LRRC9: variants seen among roughly 807,000 people sequenced by gnomAD.
The protein encoded by LRRC9 is leucine-rich repeat-containing protein 9.
LRRC9 carries 122 observed loss-of-function variants against 63.2 expected under a neutral mutation model. The observed-to-expected ratio is 1.93, with a 90% CI of 1.67 to 2.24. LRRC9 has a LOEUF of 2.24. Ranked by LOEUF, LRRC9 falls within the 30% of genes most tolerant of loss-of-function variation. The pLI is 0.00. For synonymous variants in LRRC9, 366 were observed against 213.1 expected (o/e 1.72, Z -6.25); for missense variants, 1,071 against 627.7 (o/e 1.71, Z -7.55).
intron 25 of LRRC9, 121 bp downstream of exon 25, chr14:60,018,600 G>T (rs900683123): frequency 3.6e-4 from 146 of 407,666 alleles, no homozygotes; most frequent in Middle Eastern, 1.3e-3. Context: ...TTTTCTTTGG[G>T]TTTTTTTTTG....
chr14:59,930,264 C>A lies in LRRC9; in HGVS notation c.268-654C>A, dbSNP rs1889585020. 6.6e-6 allele frequency among the ~76,000 whole-genome samples: 1 copy of A among 151,780 alleles called. No individual in the cohort carries two copies. Among genetic ancestry groups the A allele is most frequent in the South Asian group, 2.1e-4 (1 of 4,816 alleles). On this transcript the variant is annotated intron_variant, in intron 3 of 31. Coordinates refer to ENST00000445360, the Ensembl canonical transcript of LRRC9. The surrounding 1 kb of genome is among the most constrained non-coding windows in gnomAD (Gnocchi z 4.9). ...TTTGAAAAGAAATATTGCAAAACAT[C>A]AAGAGCCATCACAGAAATGCACAGG...
intron 12 of LRRC9, among the ~76,000 whole-genome samples, chr14:59,974,308 G>C (rs1196237283): frequency 6.6e-6 from 1 of 152,046 alleles, no homozygotes; most frequent in Non-Finnish European, 1.5e-5. Context: ...GCTCCACATA[G>C]TATTATCAGT....
intron 12 of LRRC9, among the ~76,000 whole-genome samples, chr14:59,970,904 T>C (rs563141472): frequency 6.6e-6 from 1 of 152,334 alleles, no homozygotes; most frequent in South Asian, 2.1e-4. Flanking sequence ...TTTCTTTTGC[T>C]ATTCAGAAGC....
At chr14:59,980,370 A>G (rs1886801397) in intron 15 of LRRC9, among the ~76,000 whole-genome samples, 1 of 152,194 alleles carries the variant, frequency 6.6e-6, no homozygotes, top group Non-Finnish European at 1.5e-5. Flanking sequence ...GATCACTATC[A>G]TATTTGTTTT....
At chr14:60,057,725 G>A in intron 30 of LRRC9, 153 bp from the exon 31 acceptor site, 1 of 415,698 alleles carries the variant, frequency 2.4e-6, no homozygotes, top group Non-Finnish European at 4.3e-6. Context: ...GATTTTACAG[G>A]TTTTACCTAG....
In LRRC9 at chr14:59,938,958, C is replaced by T. The variant is rs1322352398; in HGVS notation, c.726+386C>T. The stretch of plus-strand genomic sequence containing the variant: ...ATATATACATATACATACATATATA[C>T]ACACATATATACATATATACATATA... On this transcript the variant is annotated intron_variant, in intron 7 of 31. Transcript: ENST00000445360. This position sits in a 1 kb window ranked among gnomAD's most constrained non-coding sequence, Gnocchi z 4.2. Among the ~76,000 whole-genome samples, 13 of 95,298 alleles carry T rather than the reference C, an allele frequency of 1.4e-4. No individual in the cohort carries two copies. The highest frequency in any genetic ancestry group is 5.9e-4 in the African/African-American group (13 of 22,100). 62.5% of individuals were successfully genotyped at this position (95,298 alleles called of 152,430 possible).
At chr14:59,997,532 C>T (rs930986944) in intron 17 of LRRC9, 124 bp from the exon 18 acceptor site, 2 of 514,210 alleles carry the variant, frequency 3.9e-6, no homozygotes, top group Non-Finnish European at 6.9e-6. Flanking sequence ...AACATAACTA[C>T]TGTTTATGTG....
At chr14:59,929,882 C>T (rs1229773635) in intron 3 of LRRC9, among the ~76,000 whole-genome samples, 1 of 152,002 alleles carries the variant, frequency 6.6e-6, no homozygotes, top group Non-Finnish European at 1.5e-5. Context: ...GATGATAACA[C>T]ATGGACACAT....
chr14:60,059,994 T>C (rs1318824320), intron 31 of LRRC9, among the ~76,000 whole-genome samples: 1 of 152,212 alleles, frequency 6.6e-6, no homozygotes, highest in East Asian at 1.9e-4. Flanking sequence ...GCTTCAAAGC[T>C]TCAAAGGACA....
At chr14:60,016,549 G>C (rs1349051510) in intron 23 of LRRC9, 111 bp from the exon 24 acceptor site, 3 of 571,186 alleles carry the variant, frequency 5.3e-6, no homozygotes, top group Admixed American at 5.3e-5. Context: ...GCTCTACTTA[G>C]TAGGAGGAAT....
chr14:60,006,633 G>A lies in LRRC9; in HGVS notation c.3063+16G>A, dbSNP rs1034887467. The A allele has an allele frequency of 3.6e-5, 21 of 581,162 alleles. No individual in the cohort carries two copies. Among genetic ancestry groups the A allele is most frequent in the African/African-American group, 3.3e-4 (17 of 51,862 alleles). The allele number at this position is 581,162 out of a possible 1,614,324, so 36.0% of individuals were successfully genotyped here. A position where few individuals can be genotyped will look rare whatever the true frequency, so the allele number is the denominator to read the frequency against. ...CAATTTAAAGGTAATCATCTGGGTA[G>A]TAATTTTTTTGTTTTTTAACATGTA... On this transcript the variant is annotated intron_variant, in intron 22 of 31. Coordinates refer to ENST00000445360, the Ensembl canonical transcript of LRRC9.
rs1595135375 is a variant in LRRC9, at chr14:60,060,762, T to A, written c.4277-2561T>A. Reference sequence around the variant, plus strand: ...TCTCAAAAAATAAAATAAAATAAAATTAGTGATTCCTCTGAGGGATATGGG... The same window carrying A: ...TCTCAAAAAATAAAATAAAATAAAAATAGTGATTCCTCTGAGGGATATGGG... On this transcript the variant is annotated intron_variant, in intron 31 of 31. Transcript: ENST00000445360. The surrounding 1 kb of genome is among the most constrained non-coding windows in gnomAD (Gnocchi z 4.0). Among the ~76,000 whole-genome samples the A allele has an allele frequency of 6.6e-6, 1 of 151,844 alleles. No homozygotes were observed. Among genetic ancestry groups the A allele is most frequent in the African/African-American group, 2.4e-5 (1 of 41,346 alleles).
exon 22 of LRRC9, chr14:60,006,429 A>C: frequency 1.4e-6 from 1 of 697,644 alleles, no homozygotes; most frequent in Non-Finnish European, 2.6e-6. Flanking sequence ...AACTCGCCTC[A>C]GCATAAATAA....
intron 13 of LRRC9, among the ~76,000 whole-genome samples, chr14:59,975,563 C>T (rs1025147183): frequency 3.9e-5 from 6 of 152,034 alleles, no homozygotes; most frequent in Non-Finnish European, 8.8e-5. Context: ...CTTGCCTCAC[C>T]CTCTTCCACT....
At chr14:59,959,343 A>G (rs1216026655) in intron 8 of LRRC9, among the ~76,000 whole-genome samples, 1 of 152,180 alleles carries the variant, frequency 6.6e-6, no homozygotes, top group Admixed American at 6.5e-5. Context: ...ACCCCTATAT[A>G]TATGCTTTCG....
chr14:59,963,511 TA>T (rs76630579), intron 10 of LRRC9, among the ~76,000 whole-genome samples: 433 of 136,796 alleles, frequency 3.2e-3, no homozygotes, highest in Non-Finnish European at 3.9e-3. Flanking sequence ...TATTTACAAC[TA>T]AAAAAAAAAA....
chr14:59,940,464 C>G (rs1387054035), intron 7 of LRRC9, among the ~76,000 whole-genome samples: 1 of 152,036 alleles, frequency 6.6e-6, no homozygotes. Flanking sequence ...TTTGTGTAAA[C>G]TACAAGTGTC....
At chr14:59,939,569 A>G (rs1049721473) in intron 7 of LRRC9, among the ~76,000 whole-genome samples, 9 of 152,058 alleles carry the variant, frequency 5.9e-5, no homozygotes, top group Admixed American at 3.9e-4. Flanking sequence ...GGTTCGATGC[A>G]TGTTCATAGA....
chr14:60,005,515 A>G (rs934906027), intron 21 of LRRC9, among the ~76,000 whole-genome samples: 8 of 152,088 alleles, frequency 5.3e-5, no homozygotes, highest in African/African-American at 1.7e-4. Context: ...TTCTTCAGAC[A>G]TGGGTAGGTT....
Sources: allele counts gnomAD v4.1 joint callset (sites outside exome capture counted in the v4.1 genomes callset), GRCh38; gene constraint gnomAD v4.1.1; non-coding constraint Gnocchi (gnomAD v3.1); transcripts MANE v1.5; gene names NCBI Gene and HGNC (gene_info 2026-07-23, HGNC 2026-07-21).